VAMP4: variants seen among roughly 807,000 people sequenced by gnomAD.
VAMP4 encodes the protein vesicle associated membrane protein 4.
Under a neutral mutation model 23.5 loss-of-function variants are expected in VAMP4, and 19 were observed. The ratio of observed to expected loss-of-function variants is 0.81; its 90% CI spans 0.56 to 1.19. The LOEUF (loss-of-function observed/expected upper bound fraction) is 1.19. Among genes scored for constraint, VAMP4 ranks in the 50% most tolerant of loss-of-function variants. VAMP4 has a pLI of 0.00. For synonymous variants in VAMP4, 31 were observed against 51.0 expected (o/e 0.61, Z 1.67); for missense variants, 145 against 168.6 (o/e 0.86, Z 0.78).
At chr1:171,720,866 C>A in intron 3 of VAMP4, among the ~76,000 whole-genome samples, 1 of 152,028 alleles carries the variant, frequency 6.6e-6, no homozygotes, top group Non-Finnish European at 1.5e-5. Context: ...AAAGACATAA[C>A]TATCAACCAA....
chr1:171,717,692 T>A (rs6659266), intron 4 of VAMP4, among the ~76,000 whole-genome samples: 8,925 of 152,042 alleles, frequency 0.059, 353 homozygotes, highest in East Asian at 0.24. Flanking sequence ...CAAACAATCC[T>A]CCTTTGAAGG....
intron 3 of VAMP4, among the ~76,000 whole-genome samples, chr1:171,723,049 G>C (rs1305684197): frequency 6.6e-6 from 1 of 152,154 alleles, no homozygotes; most frequent in African/African-American, 2.4e-5. Context: ...GTGTCTGGGG[G>C]AGACATCACG....
rs149851036 is a variant in VAMP4, at chr1:171,709,687, T to C, written c.323A>G (p.Gln108Arg). Residue 108 changes from glutamine to arginine, a missense_variant, in exon 6 of 8, where the codon CAA becomes CGA. Physicochemically the swap from Gln to Arg is conservative, Grantham distance 43. Coordinates refer to ENST00000236192, the MANE Select transcript of VAMP4 (RefSeq NM_003762.5). ...FSNRSKQLRR[Q>R]MWWRGCKIKA... ...TACTTTGCATCCACGCCACCACATT[T>C]GCCTTCGAAGTTGTTTGGATCTGTT... 9.5e-5 allele frequency: 153 copies of C among 1,613,182 alleles called. No homozygotes were observed. Among genetic ancestry groups the C allele is most frequent in the Middle Eastern group, 4.9e-4 (3 of 6,074 alleles).
At chr1:171,728,282 C>T (rs1271687451) in intron 3 of VAMP4, among the ~76,000 whole-genome samples, 1 of 152,072 alleles carries the variant, frequency 6.6e-6, no homozygotes, top group Non-Finnish European at 1.5e-5. Flanking sequence ...CTTCATGATC[C>T]AAGGTCACCT....
intron 4 of VAMP4, 144 bp from the exon 5 acceptor site, chr1:171,710,958 T>C: frequency 1.7e-6 from 1 of 585,766 alleles, no homozygotes; most frequent in Admixed American, 3.5e-5. Context: ...TTTGTAGCAA[T>C]GTTCTTCCAT....
chr1:171,727,862 A>G (rs1239598265), intron 3 of VAMP4, among the ~76,000 whole-genome samples: 1 of 152,248 alleles, frequency 6.6e-6, no homozygotes, highest in Non-Finnish European at 1.5e-5. Context: ...TCATTTATAA[A>G]AAATTTTAGA....
intron 4 of VAMP4, among the ~76,000 whole-genome samples, chr1:171,712,714 A>G (rs542959911): frequency 6.0e-4 from 92 of 152,316 alleles, no homozygotes; most frequent in African/African-American, 2.1e-3. Context: ...TAATCCCCTA[A>G]GTAGAGAGTT....
In VAMP4 at chr1:171,701,667, C is replaced by T. The variant is rs1352493307; in HGVS notation, c.*2839G>A. On this transcript the variant is annotated 3_prime_UTR_variant, in exon 8 of 8. Coordinates refer to ENST00000236192, the MANE Select transcript of VAMP4 (RefSeq NM_003762.5). ...CTATAGCAGGGCTAACAAAGTATTT[C>T]TATATCTCATGTCTATTAATTACCC... The T allele has an allele frequency of 6.6e-6, 1 of 152,114 alleles. No homozygotes were observed. Among genetic ancestry groups the T allele is most frequent in the Non-Finnish European group, 1.5e-5 (1 of 67,984 alleles). The allele number at this position is 152,114 out of a possible 1,614,324, so 9.4% of individuals were successfully genotyped here.
At chr1:171,715,654 T>C (rs1032117805) in intron 4 of VAMP4, among the ~76,000 whole-genome samples, 1 of 152,174 alleles carries the variant, frequency 6.6e-6, no homozygotes, top group Non-Finnish European at 1.5e-5. Context: ...ACTTGATAAA[T>C]GTCAGTGCCC....
At chr1:171,722,965 T>C (rs968124055) in intron 3 of VAMP4, among the ~76,000 whole-genome samples, 6 of 152,200 alleles carry the variant, frequency 3.9e-5, no homozygotes, top group African/African-American at 1.4e-4. Context: ...TAGGACCTTT[T>C]CTATTTTCCC....
At chr1:171,711,063 T>TA (rs898939660) in intron 4 of VAMP4, among the ~76,000 whole-genome samples, 2 of 152,120 alleles carry the variant, frequency 1.3e-5, no homozygotes, top group African/African-American at 4.8e-5. Flanking sequence ...TTCTGACTTG[T>TA]AACTCATAAG....
intron 2 of VAMP4, 57 bp downstream of exon 2, chr1:171,738,292 G>A (rs976443053): frequency 3.8e-6 from 6 of 1,592,146 alleles, no homozygotes; most frequent in Non-Finnish European, 4.3e-6. Flanking sequence ...TATTCACAAA[G>A]GGAATGAAAA....
intron 4 of VAMP4, 21 bp from the exon 5 acceptor site, chr1:171,710,835 A>G: frequency 6.5e-7 from 1 of 1,528,432 alleles, no homozygotes; most frequent in Non-Finnish European, 8.9e-7. Context: ...AAAGATACAC[A>G]ATTATTTATC....
At chr1:171,741,550 C>G (rs963349364) in intron 1 of VAMP4, among the ~76,000 whole-genome samples, 3 of 151,022 alleles carry the variant, frequency 2.0e-5, no homozygotes, top group African/African-American at 7.3e-5. Flanking sequence ...CACGATATAT[C>G]TGCTCCTAAC....
At position 171,704,463 on chromosome 1, in the gene VAMP4, T is replaced by C. The variant is rs765526727; in HGVS notation, c.*43A>G. 6.6e-6 allele frequency: 10 copies of C among 1,518,454 alleles called. No individual in the cohort carries two copies. The highest frequency in any genetic ancestry group is 8.9e-6 in the Non-Finnish European group (10 of 1,123,826). 94.1% of individuals were successfully genotyped at this position (1,518,454 alleles called of 1,614,324 possible). A position where few individuals can be genotyped will look rare whatever the true frequency, so the allele number is the denominator to read the frequency against. ...ATTTAAATTATGCAGCAATCTTTTA[T>C]TACTGTCCCAGATCTTGTTTAATGA... On this transcript the variant is annotated 3_prime_UTR_variant, in exon 8 of 8. Transcript: ENST00000236192.
chr1:171,707,579 G>A (rs1572238269), intron 6 of VAMP4, among the ~76,000 whole-genome samples: 1 of 152,276 alleles, frequency 6.6e-6, no homozygotes, highest in South Asian at 2.1e-4. Context: ...TGCCCCAGAT[G>A]AACAGTAGCA....
At chr1:171,706,515 C>T (rs1420258698) in intron 6 of VAMP4, 97 bp from the exon 7 acceptor site, 1 of 1,205,638 alleles carries the variant, frequency 8.3e-7, no homozygotes, top group Non-Finnish European at 1.1e-6. Flanking sequence ...TAAATCATCT[C>T]ATCACCTTAA....
intron 4 of VAMP4, among the ~76,000 whole-genome samples, chr1:171,715,374 T>C (rs1010663376): frequency 1.8e-4 from 28 of 152,160 alleles, no homozygotes; most frequent in African/African-American, 6.5e-4. Context: ...ACGGCACCTG[T>C]ATTTCTGAAA....
rs1654395141 is a variant in VAMP4 at position 171,700,579 on chromosome 1, A to G, written c.*3927T>C. 1 of 152,200 alleles carries G rather than the reference A, an allele frequency of 6.6e-6. No homozygotes were observed. Among genetic ancestry groups the G allele is most frequent in the East Asian group, 1.9e-4 (1 of 5,200 alleles). The allele number at this position is 152,200 out of a possible 1,614,324, so 9.4% of individuals were successfully genotyped here. A position where few individuals can be genotyped will look rare whatever the true frequency, so the allele number is the denominator to read the frequency against. ...ACCTAATGGAATACCATAAAGCCAG[A>G]GTTTTTCCACACCCAATTACAGTAG... On this transcript the variant is annotated 3_prime_UTR_variant, in exon 8 of 8. Transcript: ENST00000236192.
Sources: gnomAD v4.1 joint callset for allele counts (sites outside exome capture counted in the v4.1 genomes callset) on GRCh38, gnomAD v4.1.1 for gene constraint, MANE v1.5 for transcripts, NCBI Gene and HGNC (gene_info 2026-07-23, HGNC 2026-07-21) for gene names.